PRKN: variants seen among roughly 807,000 people sequenced by gnomAD.
The protein encoded by PRKN is E3 ubiquitin-protein ligase parkin.
A neutral mutation model predicts 59.5 loss-of-function variants in PRKN; 56 were observed. The ratio of observed to expected loss-of-function variants is 0.94; its 90% confidence interval spans 0.76 to 1.18. The LOEUF is 1.18. Among genes scored for constraint, PRKN ranks in the 50% most tolerant of loss-of-function variants. The pLI is 0.00. For synonymous variants in PRKN, 250 were observed against 222.1 expected, an observed-to-expected ratio of 1.13 and a Z score of -1.12; for missense variants, 657 against 596.4, an observed-to-expected ratio of 1.10 and a Z score of -1.06.
intron 6 of PRKN, among the ~76,000 whole-genome samples, chr6:161,869,644 T>C (rs955714313): frequency 6.6e-6 from 1 of 152,184 alleles, no homozygotes; most frequent in Non-Finnish European, 1.5e-5. Flanking sequence ...TTTCTTCCAC[T>C]CACAACACAA....
intron 1 of PRKN, among the ~76,000 whole-genome samples, chr6:162,676,988 G>A (rs530802108): frequency 2.0e-5 from 3 of 151,364 alleles, no homozygotes; most frequent in African/African-American, 4.9e-5. Flanking sequence ...TTGAACCCGG[G>A]AGGCAGAGGT....
chr6:161,676,080 A>G (rs754749702), intron 7 of PRKN, among the ~76,000 whole-genome samples: 15 of 152,146 alleles, frequency 9.9e-5, no homozygotes, highest in African/African-American at 1.7e-4. Context: ...TACGATTCCT[A>G]AACAATTCCT....
rs751969767 is a variant in PRKN at position 161,560,435 on chromosome 6, C to A, written c.933+8920G>T. 1.6e-4 allele frequency among the ~76,000 whole-genome samples: 24 copies of A among 152,096 alleles called. No homozygotes were observed. Among genetic ancestry groups the A allele is most frequent in the Non-Finnish European group, 2.6e-4 (18 of 68,014 alleles). On this transcript the variant is annotated intron_variant, in intron 8 of 11. Coordinates refer to ENST00000366898, the MANE Select transcript of PRKN (RefSeq NM_004562.3). This position sits in a 1 kb window ranked among gnomAD's most constrained non-coding sequence, Gnocchi z 4.9. The stretch of plus-strand genomic sequence containing the variant: ...CACTCCTTTGAGACCCATGCTTCAC[C>A]CTCACCTCCTCACTGCTGCCCCCTG...
chr6:161,928,671 G>A (rs1367643361), intron 6 of PRKN, among the ~76,000 whole-genome samples: 1 of 152,062 alleles, frequency 6.6e-6, no homozygotes, highest in Non-Finnish European at 1.5e-5. Context: ...ATTATTTCCT[G>A]GAATTACAAC....
chr6:162,033,313 C>G (rs1783710310), intron 5 of PRKN, among the ~76,000 whole-genome samples: 1 of 152,178 alleles, frequency 6.6e-6, no homozygotes, highest in Admixed American at 6.6e-5. Context: ...GAACAGGAAA[C>G]TGGAAGAGGA....
chr6:161,912,419 C>A (rs73604844), intron 6 of PRKN, among the ~76,000 whole-genome samples: 5 of 151,772 alleles, frequency 3.3e-5, no homozygotes, highest in African/African-American at 1.2e-4. Flanking sequence ...CTGTACCCCC[C>A]CACCCTCGTG....
intron 6 of PRKN, among the ~76,000 whole-genome samples, chr6:161,955,534 C>T (rs973814962): frequency 5.3e-5 from 8 of 152,240 alleles, no homozygotes; most frequent in African/African-American, 1.7e-4. Flanking sequence ...CAATTCAACT[C>T]GCCAAAGAAG....
chr6:162,638,445 A>C (rs917832888), intron 1 of PRKN, among the ~76,000 whole-genome samples: 1 of 152,132 alleles, frequency 6.6e-6, no homozygotes. Context: ...CAAGAACACA[A>C]AGGATTTGCC....
chr6:161,985,988 T>A (rs1244582787), intron 5 of PRKN, among the ~76,000 whole-genome samples: 1 of 152,190 alleles, frequency 6.6e-6, no homozygotes, highest in East Asian at 1.9e-4. Flanking sequence ...CTTGATCCTG[T>A]CCCTGTTTTA....
intron 4 of PRKN, among the ~76,000 whole-genome samples, chr6:162,094,289 A>C (rs1237777717): frequency 6.6e-6 from 1 of 152,012 alleles, no homozygotes; most frequent in Admixed American, 6.6e-5. Context: ...CAGGAGTTCA[A>C]GACAAGCCTG....
intron 7 of PRKN, among the ~76,000 whole-genome samples, chr6:161,691,877 A>G (rs1785810627): frequency 1.3e-5 from 2 of 152,154 alleles, no homozygotes; most frequent in Admixed American, 1.3e-4. Context: ...CGTCTGGAAT[A>G]CTGATTTTGG....
chr6:162,058,823 G>T (rs987337631), intron 4 of PRKN, among the ~76,000 whole-genome samples: 3 of 151,966 alleles, frequency 2.0e-5, no homozygotes, highest in African/African-American at 7.3e-5. Context: ...ATGGTGGCGG[G>T]TGCCTGTAAT....
At chr6:161,751,681 T>C (rs571736846) in intron 7 of PRKN, among the ~76,000 whole-genome samples, 2 of 152,324 alleles carry the variant, frequency 1.3e-5, no homozygotes, top group African/African-American at 2.4e-5. Context: ...GCATGGAGAA[T>C]TCAGCTGTGA....
At chr6:162,479,513 G>A (rs1012277278) in intron 1 of PRKN, among the ~76,000 whole-genome samples, 1 of 152,118 alleles carries the variant, frequency 6.6e-6, no homozygotes, top group African/African-American at 2.4e-5. Context: ...ACAGGCTTGA[G>A]CCACCATGCC....
chr6:162,416,804 A>C (rs150397334), intron 2 of PRKN, among the ~76,000 whole-genome samples: 105 of 152,350 alleles, frequency 6.9e-4, no homozygotes, highest in African/African-American at 2.5e-3. Context: ...TCTAAAATGA[A>C]AATTTGAGTA....
At chr6:161,690,495 T>C (rs954746380) in intron 7 of PRKN, among the ~76,000 whole-genome samples, 8 of 152,210 alleles carry the variant, frequency 5.3e-5, no homozygotes, top group Non-Finnish European at 1.0e-4. Context: ...TAACTTCCTG[T>C]GATGGTTAAT....
intron 6 of PRKN, among the ~76,000 whole-genome samples, chr6:161,787,673 G>C (rs1218568285): frequency 1.3e-5 from 2 of 152,208 alleles, no homozygotes; most frequent in Non-Finnish European, 2.9e-5. Flanking sequence ...GAGGCCAGGC[G>C]TGGTGGCTCA....
chr6:161,881,926 G>C (rs557804849), intron 6 of PRKN, among the ~76,000 whole-genome samples: 115 of 152,174 alleles, frequency 7.6e-4, no homozygotes, highest in Non-Finnish European at 1.5e-3. Context: ...GCTAGGACAG[G>C]CACCATGGCA....
At chr6:161,616,917 A>G (rs1419462241) in intron 7 of PRKN, among the ~76,000 whole-genome samples, 1 of 152,232 alleles carries the variant, frequency 6.6e-6, no homozygotes, top group Non-Finnish European at 1.5e-5. Flanking sequence ...TCATTTGGGT[A>G]TATACCCAGT....
Sources: gnomAD v4.1 joint callset for allele counts (sites outside exome capture counted in the v4.1 genomes callset) on GRCh38, gnomAD v4.1.1 for gene constraint, Gnocchi (gnomAD v3.1) non-coding constraint, MANE v1.5 for transcripts, NCBI Gene and HGNC (gene_info 2026-07-23, HGNC 2026-07-21) for gene names.